The following AMMECR1 variants were observed in gnomAD, a reference collection of about 807,000 sequenced individuals.
The protein encoded by AMMECR1 is AMMECR nuclear protein 1.
AMMECR1 carries 3 observed loss-of-function variants against 22.5 expected under a neutral mutation model. The observed-to-expected ratio is 0.13, with a 90% CI of 0.06 to 0.35. The LOEUF is 0.35. Among genes scored for constraint, AMMECR1 ranks in the 10% least tolerant of loss-of-function variants. The pLI is 1.00. For missense variants in AMMECR1, 235 were observed against 278.7 expected (o/e 0.84, Z 1.12); for synonymous variants, 130 against 116.7 (o/e 1.11, Z -0.74).
upstream of AMMECR1, among the ~76,000 whole-genome samples, chrX:110,318,603 G>A (rs984031441): frequency 1.8e-5 from 2 of 111,046 alleles, no homozygotes; most frequent in Non-Finnish European, 3.8e-5. Flanking sequence ...CAGTTACGTG[G>A]AACCTGAGCC....
intron 2 of AMMECR1, chrX:110,346,950 C>G (rs1477042297): frequency 3.8e-6 from 2 of 521,348 alleles, no homozygotes; most frequent in South Asian, 5.0e-5. Context: ...GTCGGTGGGT[C>G]GTGGGCCGTG....
chrX:110,366,209 G>A (rs1402143600), intron 2 of AMMECR1, among the ~76,000 whole-genome samples: 1 of 111,843 alleles, frequency 8.9e-6, no homozygotes, highest in Non-Finnish European at 1.9e-5. Context: ...GTATTCCATG[G>A]AGTACTAGTT....
chrX:110,351,467 G>A (rs2068211093), intron 2 of AMMECR1, among the ~76,000 whole-genome samples: 1 of 111,775 alleles, frequency 8.9e-6, no homozygotes. Flanking sequence ...TTTCATCAAG[G>A]GCACCCAGAC....
chrX:110,426,084 T>G (rs1478700427), intron 2 of AMMECR1, among the ~76,000 whole-genome samples: 1 of 112,289 alleles, frequency 8.9e-6, no homozygotes, highest in Non-Finnish European at 1.9e-5. Flanking sequence ...GCTTGATTTC[T>G]TCTGGAGAGA....
intron 3 of AMMECR1, among the ~76,000 whole-genome samples, chrX:110,203,418 C>G (rs1399623517): frequency 2.7e-5 from 3 of 111,321 alleles, no homozygotes; most frequent in Admixed American, 9.5e-5. Context: ...TGTCCTTTCC[C>G]CTCATATCTC....
At chrX:110,430,638 C>A (rs2068789571) in intron 1 of AMMECR1, among the ~76,000 whole-genome samples, 2 of 112,129 alleles carry the variant, frequency 1.8e-5, no homozygotes, top group South Asian at 7.5e-4. Flanking sequence ...ATAGTCCACA[C>A]CAGGCATGAA....
At chrX:110,267,258 C>T (rs532669220) in intron 1 of AMMECR1, among the ~76,000 whole-genome samples, 3 of 111,033 alleles carry the variant, frequency 2.7e-5, no homozygotes, top group African/African-American at 3.3e-5. Context: ...CTTAAGGAAT[C>T]GCCACACTGT....
chrX:110,316,423 C>T lies in AMMECR1; in HGVS notation c.473+1176G>A, dbSNP rs757010430. On this transcript the variant is annotated intron_variant, in intron 1 of 5. Transcript: ENST00000262844. The stretch of plus-strand genomic sequence containing the variant: ...GAAAAGGGGCTGATGCCTTTCAGTA[C>T]GAGTTTCACTGAAATTTTTTCTGTA... Among the ~76,000 whole-genome samples, 100 of 111,156 alleles carry T rather than the reference C, an allele frequency of 9.0e-4. 1 individual carries two copies. Among genetic ancestry groups the T allele is most frequent in the African/African-American group, 3.0e-3 (93 of 30,579 alleles).
At chrX:110,370,587 A>T (rs2068331477) in intron 2 of AMMECR1, among the ~76,000 whole-genome samples, 2 of 112,450 alleles carry the variant, frequency 1.8e-5, no homozygotes, top group South Asian at 7.4e-4. Flanking sequence ...TCTAAAGTTA[A>T]TTACTTAATT....
chrX:110,284,903 C>T (rs1258130258), intron 1 of AMMECR1, among the ~76,000 whole-genome samples: 2 of 111,843 alleles, frequency 1.8e-5, no homozygotes, highest in East Asian at 2.8e-4. Context: ...AAAATTCAAG[C>T]GTGAAAGCCA....
intron 2 of AMMECR1, among the ~76,000 whole-genome samples, chrX:110,405,466 T>C (rs149657384): frequency 0.041 from 4,576 of 111,490 alleles, 127 homozygotes; most frequent in African/African-American, 0.094. Context: ...CAGCTGGCTG[T>C]TTCTCCAAGA....
intron 2 of AMMECR1, among the ~76,000 whole-genome samples, chrX:110,375,394 G>A (rs943436808): frequency 1.3e-4 from 15 of 111,768 alleles, no homozygotes; most frequent in African/African-American, 4.9e-4. Context: ...CTTAAACATT[G>A]AGGCTAGTTT....
At chrX:110,386,917 T>C (rs1436464858) in intron 2 of AMMECR1, among the ~76,000 whole-genome samples, 1 of 112,206 alleles carries the variant, frequency 8.9e-6, no homozygotes, top group African/African-American at 3.2e-5. Context: ...TTATAACATG[T>C]TTAAATAGCA....
chrX:110,264,106 GAA>G (rs1348712779), intron 2 of AMMECR1, among the ~76,000 whole-genome samples: 4 of 111,231 alleles, frequency 3.6e-5, no homozygotes, highest in African/African-American at 1.3e-4. Context: ...TGTGTAAGAT[GAA>G]AGAGACAACA....
At chrX:110,336,054 A>T (rs989423224) in intron 2 of AMMECR1, among the ~76,000 whole-genome samples, 1 of 111,901 alleles carries the variant, frequency 8.9e-6, no homozygotes, top group Non-Finnish European at 1.9e-5. Context: ...GTAGCTGCAG[A>T]AATAAAAGGA....
chrX:110,305,759 C>T (rs766748288), intron 1 of AMMECR1, among the ~76,000 whole-genome samples: 1 of 111,186 alleles, frequency 9.0e-6, no homozygotes, highest in Admixed American at 9.6e-5. Context: ...TGCAATTTAT[C>T]TTCCAATTTT....
chrX:110,373,627 C>G (rs944925268), intron 2 of AMMECR1, among the ~76,000 whole-genome samples: 3 of 112,479 alleles, frequency 2.7e-5, no homozygotes, highest in Non-Finnish European at 5.6e-5. Flanking sequence ...CAAGAAACTA[C>G]AGATAATACA....
intron 2 of AMMECR1, among the ~76,000 whole-genome samples, chrX:110,417,859 G>A (rs913540370): frequency 8.9e-6 from 1 of 112,484 alleles, no homozygotes; most frequent in African/African-American, 3.2e-5. Context: ...AAGAGAAAAC[G>A]GAGGTAGCCT....
intron 2 of AMMECR1, among the ~76,000 whole-genome samples, chrX:110,220,863 C>A: frequency 9.0e-6 from 1 of 110,817 alleles, no homozygotes; most frequent in East Asian, 2.8e-4. Flanking sequence ...ATGAAAGAAC[C>A]AAAGAGTTTG....
Sources: allele counts gnomAD v4.1 joint callset (sites outside exome capture counted in the v4.1 genomes callset), GRCh38; gene constraint gnomAD v4.1.1; transcripts MANE v1.5; gene names NCBI Gene and HGNC (gene_info 2026-07-23, HGNC 2026-07-21).